The following RASAL2 variants were observed in gnomAD, a reference collection of about 807,000 sequenced individuals.
RASAL2 encodes RAS protein activator like 2.
Under a neutral mutation model 128.9 loss-of-function variants are expected in RASAL2, and 58 were observed. The ratio of observed to expected loss-of-function variants is 0.45; its 90% CI spans 0.36 to 0.56. The LOEUF is 0.56. RASAL2 is among the 20% of genes least tolerant of loss of function. The probability of loss-of-function intolerance (pLI) is 0.00; values close to 1 mark genes in which losing one functional copy is unlikely to be tolerated. For synonymous variants in RASAL2, 561 were observed against 580.8 expected (o/e 0.97, Z 0.49); for missense variants, 1,360 against 1,601.6 (o/e 0.85, Z 2.57).
intron 3 of RASAL2, among the ~76,000 whole-genome samples, chr1:178,306,605 T>TCTC (rs1668001867): frequency 1.3e-5 from 2 of 151,890 alleles, no homozygotes; most frequent in African/African-American, 4.8e-5. Flanking sequence ...TGGTGTGAGA[T>TCTC]GGTATCTCAT....
intron 1 of RASAL2, among the ~76,000 whole-genome samples, chr1:178,178,103 G>C (rs1488629810): frequency 6.6e-6 from 1 of 152,050 alleles, no homozygotes; most frequent in African/African-American, 2.4e-5. Flanking sequence ...AATGCAGTTT[G>C]AGTGCTTCTT....
chr1:178,395,273 AG>A (rs751853638), intron 4 of RASAL2, among the ~76,000 whole-genome samples: 7 of 152,200 alleles, frequency 4.6e-5, no homozygotes, highest in South Asian at 2.1e-4. Context: ...ATATGCAGCT[AG>A]GGTTGTAAGC....
intron 3 of RASAL2, among the ~76,000 whole-genome samples, chr1:178,302,407 CA>C (rs1348553190): frequency 6.6e-6 from 1 of 152,028 alleles, no homozygotes; most frequent in Non-Finnish European, 1.5e-5. Context: ...TTTAATATAG[CA>C]TCATGATAAC....
chr1:178,359,147 T>C (rs899556830), intron 3 of RASAL2, among the ~76,000 whole-genome samples: 98 of 152,346 alleles, frequency 6.4e-4, no homozygotes, highest in African/African-American at 2.3e-3. Flanking sequence ...TATACATTCG[T>C]TGTAATTCCA....
chr1:178,471,863 G>A (rs1572140997), intron 17 of RASAL2, among the ~76,000 whole-genome samples: 1 of 152,134 alleles, frequency 6.6e-6, no homozygotes, highest in South Asian at 2.1e-4. Context: ...ATAGCAAGGA[G>A]CAGCACCAGC....
At chr1:178,335,428 C>A (rs913450954) in intron 3 of RASAL2, among the ~76,000 whole-genome samples, 3 of 152,068 alleles carry the variant, frequency 2.0e-5, no homozygotes, top group Non-Finnish European at 4.4e-5. Flanking sequence ...AGGAAAGGGG[C>A]CCCTCATTTT....
At chr1:178,287,213 A>G (rs1444406121) in intron 2 of RASAL2, among the ~76,000 whole-genome samples, 1 of 151,542 alleles carries the variant, frequency 6.6e-6, no homozygotes, top group East Asian at 1.9e-4. Flanking sequence ...ATGCAGCTTA[A>G]TGTATCTGGA....
At chr1:178,155,165 C>G (rs1054259785) in intron 1 of RASAL2, among the ~76,000 whole-genome samples, 3 of 152,054 alleles carry the variant, frequency 2.0e-5, no homozygotes, top group Admixed American at 2.0e-4. Flanking sequence ...GGTATATAAT[C>G]TAGATATAGT....
chr1:178,279,866 T>C (rs1269221899), intron 1 of RASAL2, among the ~76,000 whole-genome samples: 4 of 152,154 alleles, frequency 2.6e-5, no homozygotes, highest in African/African-American at 9.6e-5. Context: ...TCAAAACTTT[T>C]CTGAAGATTG....
intron 14 of RASAL2, 51 bp downstream of exon 14, chr1:178,458,595 C>T (rs1466670584): frequency 1.3e-6 from 2 of 1,517,956 alleles, no homozygotes; most frequent in African/African-American, 1.4e-5. Context: ...CATCTGTTTC[C>T]TTGGTTCTTT....
intron 2 of RASAL2, among the ~76,000 whole-genome samples, chr1:178,296,127 GTA>G (rs1381677199): frequency 7.0e-4 from 97 of 138,158 alleles, no homozygotes; most frequent in Middle Eastern, 7.2e-3. Flanking sequence ...ATATATATGT[GTA>G]TATATATGTG....
chr1:178,201,022 G>A (rs1432914810), intron 1 of RASAL2, among the ~76,000 whole-genome samples: 1 of 152,188 alleles, frequency 6.6e-6, no homozygotes, highest in Non-Finnish European at 1.5e-5. Context: ...TAAAGTCCCA[G>A]CAGGCTCCTA....
intron 3 of RASAL2, among the ~76,000 whole-genome samples, chr1:178,353,748 G>A (rs1027733099): frequency 6.6e-6 from 1 of 152,230 alleles, no homozygotes; most frequent in Non-Finnish European, 1.5e-5. Flanking sequence ...CCTTGGCCAT[G>A]TAATGTAACC....
chr1:178,142,338 C>G (rs963050889), intron 1 of RASAL2, among the ~76,000 whole-genome samples: 3 of 152,142 alleles, frequency 2.0e-5, no homozygotes, highest in Non-Finnish European at 4.4e-5. Context: ...TTGACTAATA[C>G]CATGTCACTA....
intron 1 of RASAL2, among the ~76,000 whole-genome samples, chr1:178,167,725 C>T (rs1336360802): frequency 6.6e-6 from 1 of 151,970 alleles, no homozygotes; most frequent in Non-Finnish European, 1.5e-5. Context: ...TTTTTCTTTT[C>T]TTTCTTCCTT....
chr1:178,219,829 G>A (rs567600638), intron 1 of RASAL2, among the ~76,000 whole-genome samples: 1 of 151,936 alleles, frequency 6.6e-6, no homozygotes, highest in Non-Finnish European at 1.5e-5. Context: ...CCATTGTAGG[G>A]TGATATGGTT....
At chr1:178,145,313 G>A (rs1444216231) in intron 1 of RASAL2, among the ~76,000 whole-genome samples, 1 of 151,558 alleles carries the variant, frequency 6.6e-6, no homozygotes, top group Middle Eastern at 3.2e-3. Flanking sequence ...TTTTTGTTTT[G>A]TTTTTAGCCC....
At chr1:178,425,690 C>T (rs1201594152) in intron 5 of RASAL2, among the ~76,000 whole-genome samples, 1 of 152,080 alleles carries the variant, frequency 6.6e-6, no homozygotes, top group African/African-American at 2.4e-5. Flanking sequence ...AGAGCTCCAA[C>T]CATAACATAT....
chr1:178,230,503 A>G (rs1174513156), intron 1 of RASAL2, among the ~76,000 whole-genome samples: 1 of 152,146 alleles, frequency 6.6e-6, no homozygotes, highest in Non-Finnish European at 1.5e-5. Context: ...GATGTGAGTA[A>G]TATCTCATTA....
Sources: allele counts gnomAD v4.1 joint callset (sites outside exome capture counted in the v4.1 genomes callset), GRCh38; gene constraint gnomAD v4.1.1; transcripts MANE v1.5; gene names NCBI Gene and HGNC (gene_info 2026-07-23, HGNC 2026-07-21).